The following BPTF variants were observed in gnomAD, a reference collection of about 807,000 sequenced individuals.
The protein encoded by BPTF is nucleosome-remodeling factor subunit BPTF.
BPTF carries 18 observed loss-of-function variants against 292.5 expected under a neutral mutation model. The observed-to-expected ratio is 0.06, with a 90% CI of 0.04 to 0.09. The LOEUF is 0.09. Ranked by LOEUF, BPTF falls within the 10% of genes least tolerant of loss-of-function variation. The pLI, the probability that BPTF is intolerant of heterozygous loss-of-function variation, is 1.00. For missense variants in BPTF, 2,726 were observed against 3,498.7 expected, an observed-to-expected ratio of 0.78 and a Z score of 5.57; for synonymous variants, 1,225 against 1,251.9, an observed-to-expected ratio of 0.98 and a Z score of 0.45.
At chr17:67,866,372 A>T in intron 2 of BPTF, 92 bp from the exon 3 acceptor site, 3 of 995,250 alleles carry the variant, frequency 3.0e-6, no homozygotes, top group Non-Finnish European at 4.6e-6. Flanking sequence ...TTAGTGCATA[A>T]GCTTTGTTTT....
chr17:67,912,028 A>C lies in BPTF; in HGVS notation c.4144A>C (p.Lys1382Gln). ...VNKCSDQIKLKNTTDKKNNEN... is the reference protein window; with the variant it reads ...VNKCSDQIKLQNTTDKKNNEN... ...TAAATGTAGTGATCAAATAAAGCTA[A>C]AAAATACCACTGACAAAAAGAATAA... is the stretch of plus-strand genomic sequence containing the variant. Residue 1382 changes from lysine (K) to glutamine (Q), a missense_variant, in exon 11 of 28, where the codon AAA becomes CAA. Lys to Gln is a moderately conservative substitution (Grantham distance 53, BLOSUM62 1). Around this residue, in one of 22 missense-constraint regions of BPTF, gnomAD observed 713 missense variants for 714.9 expected, o/e 1.00. Transcript: ENST00000306378. 1 of 1,613,346 alleles carries C rather than the reference A, an allele frequency of 6.2e-7. No individual in the cohort carries two copies. The highest frequency in any genetic ancestry group is 8.5e-7 in the Non-Finnish European group (1 of 1,179,828).
In BPTF at chr17:67,982,556, A is replaced by T. The variant is rs1354368404; in HGVS notation, c.*268A>T. ...GCGAGAAAACTTTGTTTATTGAAAAAAAAAGAAAAAGAAAGCAAGAAAAAA... is the reference window on the plus strand; with the variant it reads ...GCGAGAAAACTTTGTTTATTGAAAATAAAAGAAAAAGAAAGCAAGAAAAAA... On this transcript the variant is annotated 3_prime_UTR_variant, in exon 28 of 28. Transcript: ENST00000306378. 3.0e-6 allele frequency: 1 copy of T among 332,174 alleles called. No homozygotes were observed. The highest frequency in any genetic ancestry group is 5.5e-6 in the Non-Finnish European group (1 of 182,536). The allele number at this position is 332,174 out of a possible 1,614,324, so 20.6% of individuals were successfully genotyped here.
intron 26 of BPTF, among the ~76,000 whole-genome samples, chr17:67,972,804 A>T (rs544217211): frequency 2.0e-5 from 3 of 151,838 alleles, no homozygotes; most frequent in African/African-American, 7.2e-5. Context: ...AAAATTAGTC[A>T]AGCAGTAAGT....
intron 2 of BPTF, among the ~76,000 whole-genome samples, chr17:67,862,124 T>A (rs1052326152): frequency 1.3e-5 from 2 of 152,056 alleles, no homozygotes; most frequent in Non-Finnish European, 2.9e-5. Context: ...TACAGGTGCC[T>A]GCCACCACAC....
intron 1 of BPTF, among the ~76,000 whole-genome samples, chr17:67,843,367 G>A (rs189419734): frequency 3.1e-4 from 46 of 149,994 alleles, no homozygotes; most frequent in South Asian, 4.2e-4. Flanking sequence ...GTGTGATGTC[G>A]GCTCATTTTT....
chr17:67,955,121 C>T (rs1454494310), intron 23 of BPTF, among the ~76,000 whole-genome samples: 1 of 151,726 alleles, frequency 6.6e-6, no homozygotes, highest in African/African-American at 2.4e-5. Flanking sequence ...AACCTAGTCA[C>T]TACTAAAAAA....
chr17:67,902,891 T>C (rs918731851), intron 7 of BPTF, among the ~76,000 whole-genome samples: 18 of 152,378 alleles, frequency 1.2e-4, no homozygotes, highest in Admixed American at 4.6e-4. Context: ...CTTCTGCCAC[T>C]AGCGCTCTTA....
intron 11 of BPTF, among the ~76,000 whole-genome samples, chr17:67,916,655 A>T (rs544879165): frequency 1.5e-3 from 231 of 151,724 alleles, no homozygotes; most frequent in Non-Finnish European, 2.7e-3. Flanking sequence ...AATCCCGGCT[A>T]CTCGGGAGGC....
At chr17:67,887,308 T>G (rs992918537) in intron 4 of BPTF, among the ~76,000 whole-genome samples, 2 of 152,212 alleles carry the variant, frequency 1.3e-5, no homozygotes, top group South Asian at 4.1e-4. Flanking sequence ...TATTTTTCTT[T>G]AATGAATTTT....
rs2148296398 is a variant in BPTF at position 67,959,648 on chromosome 17, A to AGCCCCTCCC, written c.8042_8043insCGCCCCTCC (p.Ala2682_Pro2684dup). 3 of 1,598,396 alleles carry AGCCCCTCCC rather than the reference A, an allele frequency of 1.9e-6. No individual in the cohort carries two copies. Among genetic ancestry groups the AGCCCCTCCC allele is most frequent in the Non-Finnish European group, 1.7e-6 (2 of 1,173,044 alleles). ...GCCCCCCAGTGACACCAGCTCCTCC[A>AGCCCCTCCC]GCCCCTCCAGCCCCTCCACCTTCAC... On this transcript the variant is annotated inframe_insertion, in exon 24 of 28. Coordinates refer to ENST00000306378, the MANE Select transcript of BPTF (RefSeq NM_182641.4).
intron 15 of BPTF, among the ~76,000 whole-genome samples, chr17:67,926,782 G>A (rs1303314275): frequency 6.6e-6 from 1 of 151,866 alleles, no homozygotes; most frequent in Non-Finnish European, 1.5e-5. Context: ...CTGTTGCTGA[G>A]GCTGGAGTGT....
At chr17:67,884,325 CG>C (rs1308369031) in intron 4 of BPTF, among the ~76,000 whole-genome samples, 1 of 151,796 alleles carries the variant, frequency 6.6e-6, no homozygotes, top group Non-Finnish European at 1.5e-5. Flanking sequence ...AGGCTGCTCT[CG>C]AATGCCTGAC....
intron 11 of BPTF, among the ~76,000 whole-genome samples, chr17:67,917,963 C>A (rs1360298936): frequency 6.6e-6 from 1 of 152,170 alleles, no homozygotes; most frequent in East Asian, 1.9e-4. Flanking sequence ...AGGCACCCAC[C>A]ACCGCGCCTG....
intron 1 of BPTF, among the ~76,000 whole-genome samples, chr17:67,840,271 A>AT (rs1204134707): frequency 6.6e-6 from 1 of 151,610 alleles, no homozygotes; most frequent in Non-Finnish European, 1.5e-5. Flanking sequence ...CAGTTGGCTA[A>AT]TTTTTTATTT....
chr17:67,920,066 T>C lies in BPTF; in HGVS notation c.5480T>C (p.Val1827Ala), dbSNP rs768960868. 1 of 1,611,890 alleles carries C rather than the reference T, an allele frequency of 6.2e-7. No individual in the cohort carries two copies. The highest frequency in any genetic ancestry group is 8.5e-7 in the Non-Finnish European group (1 of 1,178,128). The part of the protein sequence containing the change: ...TTTEIIKRRD[V>A]GPYGIRSEYC... ...ACAGAAATAATTAAGAGGAGAGATG[T>C]TGGTCCTTATGGCATTCGATCTGAA... The change falls in exon 13 of 28, where the codon GTT (valine) becomes GCT (alanine). Residue 1827 changes from valine (V) to alanine (A), a missense_variant. This residue lies in a region of BPTF where 198 missense variants were observed against 277.1 expected (regional missense o/e 0.71). Transcript: ENST00000306378.
At position 67,950,051 on chromosome 17, in the gene BPTF, C is replaced by CAAAAA. The variant is rs567911150; in HGVS notation, c.7926+1762_7926+1766dup. Among the ~76,000 whole-genome samples, 77 of 68,554 alleles carry CAAAAA rather than the reference C, an allele frequency of 1.1e-3. 2 individuals are homozygous for CAAAAA. The highest frequency in any genetic ancestry group is 4.6e-3 in the African/African-American group (67 of 14,590). 45.0% of individuals were successfully genotyped at this position (68,554 alleles called of 152,430 possible). A position where few individuals can be genotyped will look rare whatever the true frequency, so the allele number is the denominator to read the frequency against. ...CCTGGGCAACAGAATGAGACTGTCT[C>CAAAAA]AAAAAAAAAAAAAAAAAAAAACATT... is the stretch of plus-strand genomic sequence containing the variant. On this transcript the variant is annotated intron_variant, in intron 23 of 27. Coordinates refer to ENST00000306378, the MANE Select transcript of BPTF (RefSeq NM_182641.4).
chr17:67,893,295 G>C, intron 5 of BPTF, 75 bp from the exon 6 acceptor site: 1 of 908,356 alleles, frequency 1.1e-6, no homozygotes, highest in South Asian at 1.5e-5. Flanking sequence ...TTTAATTATT[G>C]AAAGACAGTT....
intron 23 of BPTF, chr17:67,951,275 GGA>G (rs1248053228): frequency 2.6e-5 from 4 of 152,026 alleles, no homozygotes; most frequent in African/African-American, 9.7e-5. Flanking sequence ...AGGCTCTCTA[GGA>G]GCCTCCAGCC....
At chr17:67,932,644 T>C (rs2064501626) in intron 18 of BPTF, among the ~76,000 whole-genome samples, 2 of 152,170 alleles carry the variant, frequency 1.3e-5, no homozygotes, top group African/African-American at 4.8e-5. Context: ...GAGGTTGCAG[T>C]GAGCCAAGAT....
Sources: gnomAD v4.1 joint callset for allele counts (sites outside exome capture counted in the v4.1 genomes callset) on GRCh38, gnomAD v4.1.1 for gene constraint, gnomAD v4.1.1 regional missense constraint, MANE v1.5 for transcripts, NCBI Gene and HGNC (gene_info 2026-07-23, HGNC 2026-07-21) for gene names.